DOCK8: variants seen among roughly 807,000 people sequenced by gnomAD.
DOCK8 encodes the protein dedicator of cytokinesis 8.
A neutral mutation model predicts 245.6 loss-of-function variants in DOCK8; 141 were observed. The ratio of observed to expected loss-of-function variants is 0.57; its 90% CI spans 0.50 to 0.66. DOCK8 has a LOEUF of 0.66. DOCK8 is among the 30% of genes least tolerant of loss of function. The probability of loss-of-function intolerance (pLI) is 0.00; values close to 1 mark genes in which losing one functional copy is unlikely to be tolerated. For synonymous variants in DOCK8, 1,168 were observed against 970.2 expected (o/e 1.20, Z -3.79); for missense variants, 2,965 against 2,603.4 (o/e 1.14, Z -3.02).
In DOCK8 at chr9:368,134, C is replaced by G. The variant is rs371700985; in HGVS notation, c.1796C>G (p.Pro599Arg). 1 of 1,612,788 alleles carries G rather than the reference C, an allele frequency of 6.2e-7. No homozygotes were observed. Among genetic ancestry groups the G allele is most frequent in the South Asian group, 1.1e-5 (1 of 91,064 alleles). The change falls in exon 15 of 48, where the codon CCG becomes CGG. Residue 599 changes from proline (P) to arginine (R), a missense_variant and splice_region_variant. Transcript: ENST00000432829. ...GGAGAAGATGCTAGCAATGCGATGC[C>G]GGTAAGGAGGGAAACGAACATTTGC... is the stretch of plus-strand genomic sequence containing the variant. Reference protein sequence around the residue: ...MCGEDASNAMPVIFGKSSGPE... With the variant: ...MCGEDASNAMRVIFGKSSGPE...
chr9:383,446 C>T (rs1007934434), intron 22 of DOCK8, among the ~76,000 whole-genome samples: 3 of 152,148 alleles, frequency 2.0e-5, no homozygotes, highest in East Asian at 1.9e-4. Context: ...GCAGGAGAAT[C>T]GCTTCAACCC....
intron 1 of DOCK8, among the ~76,000 whole-genome samples, chr9:269,916 T>A (rs1394087292): frequency 6.6e-6 from 1 of 152,170 alleles, no homozygotes; most frequent in Non-Finnish European, 1.5e-5. Context: ...CTGGGATACA[T>A]GGGAGCTCTG....
chr9:290,093 C>A (rs1249508172), intron 4 of DOCK8, among the ~76,000 whole-genome samples: 1 of 152,100 alleles, frequency 6.6e-6, no homozygotes, highest in Admixed American at 6.5e-5. Context: ...TCTTTCATTG[C>A]ATGGCTGTAC....
chr9:418,813 C>T (rs764327107), intron 30 of DOCK8, among the ~76,000 whole-genome samples: 10 of 152,096 alleles, frequency 6.6e-5, no homozygotes, highest in Non-Finnish European at 1.2e-4. Context: ...GGAGATCAAA[C>T]CAAGGCTCTC....
chr9:368,823 T>TC (rs2053145330), intron 15 of DOCK8: 3 of 133,062 alleles, frequency 2.3e-5, no homozygotes, highest in African/African-American at 9.9e-5. Context: ...TTTTTTTCTT[T>TC]TTTTTTTTTT....
chr9:400,324 A>T (rs1351655782), intron 26 of DOCK8, among the ~76,000 whole-genome samples: 2 of 84,118 alleles, frequency 2.4e-5, no homozygotes, highest in Non-Finnish European at 2.3e-5. Flanking sequence ...CACCACCTCC[A>T]CCACCACCAC....
At chr9:403,858 A>ATCTCTCTCTCTC (rs749646963) in intron 26 of DOCK8, among the ~76,000 whole-genome samples, 12 of 83,958 alleles carry the variant, frequency 1.4e-4, no homozygotes, top group African/African-American at 2.8e-4. Flanking sequence ...AAGACTCTGT[A>ATCTCTCTCTCTC]TCTCTCTCTC....
At chr9:341,918 T>C (rs890651924) in intron 14 of DOCK8, among the ~76,000 whole-genome samples, 1 of 152,210 alleles carries the variant, frequency 6.6e-6, no homozygotes, top group Non-Finnish European at 1.5e-5. Flanking sequence ...ACTGCATATA[T>C]GAGGCATCTA....
chr9:289,697 T>TA, intron 4 of DOCK8, 116 bp downstream of exon 4: 2 of 896,344 alleles, frequency 2.2e-6, no homozygotes, highest in Admixed American at 4.5e-5. Flanking sequence ...GCATGGCAAA[T>TA]AGAGTTCTCA....
At chr9:301,279 C>T (rs1160504008) in intron 4 of DOCK8, among the ~76,000 whole-genome samples, 1 of 152,116 alleles carries the variant, frequency 6.6e-6, no homozygotes, top group Admixed American at 6.5e-5. Context: ...AGGCTTTTAA[C>T]AAAATTCAAC....
upstream of DOCK8, chr9:214,220 A>C: frequency 2.4e-6 from 1 of 418,540 alleles, no homozygotes; most frequent in South Asian, 2.6e-5. Context: ...CCTCAGTCTG[A>C]AACTGAAATA....
intron 27 of DOCK8, among the ~76,000 whole-genome samples, chr9:406,020 A>G (rs1243196263): frequency 6.6e-6 from 1 of 152,160 alleles, no homozygotes; most frequent in African/African-American, 2.4e-5. Context: ...CAGGCTCACA[A>G]AACCATGAAG....
At chr9:294,248 A>G (rs923681922) in intron 4 of DOCK8, among the ~76,000 whole-genome samples, 4 of 152,214 alleles carry the variant, frequency 2.6e-5, no homozygotes, top group African/African-American at 9.7e-5. Flanking sequence ...ATAATACTGA[A>G]ACAAACATAT....
At chr9:416,824 C>G (rs761908068) in intron 29 of DOCK8, among the ~76,000 whole-genome samples, 25 of 152,308 alleles carry the variant, frequency 1.6e-4, no homozygotes, top group Non-Finnish European at 3.2e-4. Flanking sequence ...TTTTGCACAG[C>G]ACATGTTTGT....
chr9:232,737 G>T (rs1005710472), intron 1 of DOCK8, among the ~76,000 whole-genome samples: 3 of 152,126 alleles, frequency 2.0e-5, no homozygotes, highest in Non-Finnish European at 4.4e-5. Context: ...GGGATCGGTG[G>T]TGATATCCCC....
At chr9:448,232 A>G (rs2057324401) in intron 44 of DOCK8, among the ~76,000 whole-genome samples, 4 of 152,112 alleles carry the variant, frequency 2.6e-5, no homozygotes, top group Admixed American at 2.6e-4. Flanking sequence ...AGCTGGGACT[A>G]CAGGCTTGTG....
intron 6 of DOCK8, among the ~76,000 whole-genome samples, chr9:316,677 T>C (rs1046660138): frequency 6.6e-6 from 1 of 152,184 alleles, no homozygotes; most frequent in Non-Finnish European, 1.5e-5. Context: ...AGGAGAAATA[T>C]TGCAAATGTG....
At chr9:276,578 T>A (rs2130062299) in intron 2 of DOCK8, among the ~76,000 whole-genome samples, 1 of 152,282 alleles carries the variant, frequency 6.6e-6, no homozygotes, top group Middle Eastern at 3.4e-3. Flanking sequence ...TTGTCCCAGG[T>A]CTATTTGACA....
At chr9:215,598 T>G (rs1455372809) in intron 1 of DOCK8, 2 of 634,126 alleles carry the variant, frequency 3.2e-6, no homozygotes, top group Admixed American at 4.3e-5. Flanking sequence ...AGCCATGAAG[T>G]GGAAAAAGTG....
Sources: allele counts gnomAD v4.1 joint callset (sites outside exome capture counted in the v4.1 genomes callset), GRCh38; gene constraint gnomAD v4.1.1; transcripts MANE v1.5; gene names NCBI Gene and HGNC (gene_info 2026-07-23, HGNC 2026-07-21).